The following FAM168A variants were observed in gnomAD, a reference collection of about 807,000 sequenced individuals.
FAM168A encodes protein FAM168A.
A neutral mutation model predicts 28.5 loss-of-function variants in FAM168A; 3 were observed. That is an observed-to-expected ratio of 0.11 (90% CI 0.05 to 0.27). The LOEUF (loss-of-function observed/expected upper bound fraction) is 0.27. FAM168A is among the 10% of genes least tolerant of loss of function. The probability of loss-of-function intolerance (pLI) is 1.00; values close to 1 mark genes in which losing one functional copy is unlikely to be tolerated. For missense variants in FAM168A, 222 were observed against 311.5 expected (o/e 0.71, Z 2.16); for synonymous variants, 122 against 124.2 (o/e 0.98, Z 0.12).
intron 2 of FAM168A, among the ~76,000 whole-genome samples, chr11:73,453,693 T>C (rs1427326272): frequency 2.6e-5 from 4 of 152,150 alleles, no homozygotes; most frequent in African/African-American, 9.7e-5. Context: ...CTTATTAAAG[T>C]TTTTAGAGGC....
chr11:73,422,605 G>C (rs56394842), intron 3 of FAM168A, among the ~76,000 whole-genome samples: 10,062 of 152,266 alleles, frequency 0.066, 441 homozygotes, highest in Non-Finnish European at 0.098. Context: ...TCACAGAGGA[G>C]GCTGCTCTGA....
chr11:73,416,214 T>G (rs1019436604), intron 4 of FAM168A, among the ~76,000 whole-genome samples: 6 of 152,208 alleles, frequency 3.9e-5, no homozygotes, highest in African/African-American at 1.4e-4. Context: ...TAACCATAAT[T>G]TTAGAATCAA....
At chr11:73,590,618 G>A (rs534636267) in intron 1 of FAM168A, among the ~76,000 whole-genome samples, 10 of 152,186 alleles carry the variant, frequency 6.6e-5, no homozygotes, top group South Asian at 2.1e-4. Context: ...TTCTTGATCC[G>A]AATGCTGGTT....
At position 73,403,822 on chromosome 11, in the gene FAM168A, T is replaced by C. The variant is rs1352187513; in HGVS notation, c.*2941A>G. The C allele has an allele frequency of 6.6e-6, 1 of 152,258 alleles. No homozygotes were observed. The highest frequency in any genetic ancestry group is 1.5e-5 in the Non-Finnish European group (1 of 68,070). The allele number at this position is 152,258 out of a possible 1,614,324, so 9.4% of individuals were successfully genotyped here. ...CATACTGAAAAAGGGGTGCTGGACC[T>C]GGGCTCTTCCAGACCACAGCCTTTC... On this transcript the variant is annotated 3_prime_UTR_variant, in exon 8 of 8. Coordinates refer to ENST00000356467, the MANE Select transcript of FAM168A (RefSeq NM_015159.3).
At chr11:73,453,750 T>C (rs1217416466) in intron 2 of FAM168A, among the ~76,000 whole-genome samples, 1 of 152,162 alleles carries the variant, frequency 6.6e-6, no homozygotes, top group African/African-American at 2.4e-5. Context: ...GAACAGGCTC[T>C]CCCCACTACA....
chr11:73,519,422 T>C (rs1433682626), intron 1 of FAM168A, among the ~76,000 whole-genome samples: 5 of 152,306 alleles, frequency 3.3e-5, no homozygotes, highest in Non-Finnish European at 7.4e-5. Flanking sequence ...CACTGCCCCA[T>C]CCTCAGAGTT....
chr11:73,553,714 G>A (rs1943854975), intron 1 of FAM168A, among the ~76,000 whole-genome samples: 1 of 152,184 alleles, frequency 6.6e-6, no homozygotes. Flanking sequence ...GGGCGCAGTG[G>A]CTCATGTATG....
intron 1 of FAM168A, among the ~76,000 whole-genome samples, chr11:73,591,049 TAGA>T (rs1297783739): frequency 6.6e-6 from 1 of 151,932 alleles, no homozygotes; most frequent in Non-Finnish European, 1.5e-5. Flanking sequence ...GAGGCTAAGG[TAGA>T]AGAATCACTT....
At chr11:73,468,888 C>T (rs1326868238) in intron 1 of FAM168A, among the ~76,000 whole-genome samples, 3 of 152,088 alleles carry the variant, frequency 2.0e-5, no homozygotes, top group African/African-American at 7.2e-5. Context: ...CTTTCTAATT[C>T]CAATGTTGTT....
rs1475674712 is a variant in FAM168A, at chr11:73,409,644, CTG to C, written c.436_437del (p.Gln146AlafsTer75). 1 of 1,609,456 alleles carries C rather than the reference CTG, an allele frequency of 6.2e-7. No individual in the cohort carries two copies. The highest frequency in any genetic ancestry group is 8.5e-7 in the Non-Finnish European group (1 of 1,177,682). On this transcript the variant is annotated frameshift_variant, in exon 6 of 8. Coordinates refer to ENST00000356467, the MANE Select transcript of FAM168A (RefSeq NM_015159.3). LOFTEE classifies it high-confidence loss of function. Reference protein sequence around the residue: ...NLYAQGAYYTQPVYAAQPHVI... With the variant: ...NLYAQGAYYTXPVYAAQPHVI... The stretch of plus-strand genomic sequence containing the variant: ...CATGAGGCTGGGCAGCATACACCGG[CTG>C]TGTGTAGTAGGCTCCCTGGGGGAAA...
rs1235406108 is a variant in FAM168A, at chr11:73,527,706, C to A, written c.-18-59214G>T. ...ATTAAGTAGCAGAAGGGGGTTTTGC[C>A]CAGGTGGGTTCTAGAAAAGCTCATA... On this transcript the variant is annotated intron_variant, in intron 1 of 7. Coordinates refer to ENST00000356467, the MANE Select transcript of FAM168A (RefSeq NM_015159.3). 3.3e-5 allele frequency among the ~76,000 whole-genome samples: 5 copies of A among 151,756 alleles called. 1 individual carries two copies. The highest frequency in any genetic ancestry group is 7.4e-5 in the Non-Finnish European group (5 of 67,946).
At position 73,403,861 on chromosome 11, in the gene FAM168A, C is replaced by T. The variant is rs576144939; in HGVS notation, c.*2902G>A. ...CCACAGCCTTTCAGTGCCTTATTTTCACCTTGGGGCCCCCCTTTGCTCTTG... is the reference window on the plus strand; with the variant it reads ...CCACAGCCTTTCAGTGCCTTATTTTTACCTTGGGGCCCCCCTTTGCTCTTG... On this transcript the variant is annotated 3_prime_UTR_variant, in exon 8 of 8. Coordinates refer to ENST00000356467, the MANE Select transcript of FAM168A (RefSeq NM_015159.3). The T allele has an allele frequency of 5.9e-5, 9 of 152,324 alleles. No homozygotes were observed. Among genetic ancestry groups the T allele is most frequent in the African/African-American group, 2.2e-4 (9 of 41,554 alleles). The allele number at this position is 152,324 out of a possible 1,614,324, so 9.4% of individuals were successfully genotyped here.
chr11:73,502,472 A>T (rs1336917144), intron 1 of FAM168A, among the ~76,000 whole-genome samples: 1 of 152,226 alleles, frequency 6.6e-6, no homozygotes, highest in Non-Finnish European at 1.5e-5. Flanking sequence ...GAATAGACTG[A>T]TAAGAAGTCT....
intron 1 of FAM168A, among the ~76,000 whole-genome samples, chr11:73,502,254 A>G (rs1855024018): frequency 6.6e-6 from 1 of 152,146 alleles, no homozygotes; most frequent in Admixed American, 6.6e-5. Context: ...ATAGACTGCT[A>G]GCTAGACTAA....
At chr11:73,572,895 ATT>A (rs1565304235) in intron 1 of FAM168A, among the ~76,000 whole-genome samples, 1 of 135,878 alleles carries the variant, frequency 7.4e-6, no homozygotes, top group African/African-American at 3.0e-5. Context: ...TAAATAAATA[ATT>A]AATTAAACAC....
intron 1 of FAM168A, among the ~76,000 whole-genome samples, chr11:73,470,269 T>C (rs763432025): frequency 2.0e-5 from 3 of 152,166 alleles, no homozygotes; most frequent in African/African-American, 4.8e-5. Context: ...TAAACAATGA[T>C]GATGTGGCAA....
intron 3 of FAM168A, among the ~76,000 whole-genome samples, chr11:73,422,181 C>A (rs932649014): frequency 6.6e-6 from 1 of 152,100 alleles, no homozygotes; most frequent in African/African-American, 2.4e-5. Flanking sequence ...GTGAACAAGA[C>A]AGCATGATAC....
intron 4 of FAM168A, among the ~76,000 whole-genome samples, chr11:73,413,883 C>G: frequency 6.6e-6 from 1 of 152,044 alleles, no homozygotes; most frequent in African/African-American, 2.4e-5. Context: ...CTGGGTAACA[C>G]AGACAGACTA....
chr11:73,585,319 C>G (rs1944299244), intron 1 of FAM168A, among the ~76,000 whole-genome samples: 2 of 152,156 alleles, frequency 1.3e-5, no homozygotes, highest in Admixed American at 1.3e-4. Flanking sequence ...TTATCTCATT[C>G]AATCCTCACA....
Sources: gnomAD v4.1 joint callset for allele counts (sites outside exome capture counted in the v4.1 genomes callset) on GRCh38, gnomAD v4.1.1 for gene constraint, MANE v1.5 for transcripts, NCBI Gene and HGNC (gene_info 2026-07-23, HGNC 2026-07-21) for gene names.